The following GABRB1 variants were observed in gnomAD, a reference collection of about 807,000 sequenced individuals.
GABRB1 encodes gamma-aminobutyric acid type A receptor subunit beta1.
In GABRB1, 17 loss-of-function variants were observed where a neutral mutation model predicts 51.6. The observed-to-expected ratio is 0.33, with a 90% confidence interval of 0.23 to 0.49. The LOEUF (loss-of-function observed/expected upper bound fraction) is 0.49. GABRB1 is among the 20% of genes least tolerant of loss of function. The pLI is 0.99. For synonymous variants in GABRB1, 247 were observed against 218.9 expected, an observed-to-expected ratio of 1.13 and a Z score of -1.14; for missense variants, 410 against 600.6, an observed-to-expected ratio of 0.68 and a Z score of 3.32.
intron 5 of GABRB1, among the ~76,000 whole-genome samples, chr4:47,371,295 C>G (rs1205238130): frequency 6.6e-6 from 1 of 152,170 alleles, no homozygotes; most frequent in Non-Finnish European, 1.5e-5. Context: ...GCATAGTATT[C>G]CATGGTGTAT....
chr4:47,126,852 A>T (rs1291002483), intron 3 of GABRB1, among the ~76,000 whole-genome samples: 1 of 152,070 alleles, frequency 6.6e-6, no homozygotes, highest in Non-Finnish European at 1.5e-5. Flanking sequence ...TATTGCAGGA[A>T]GATTAGTAAT....
At chr4:47,303,830 C>A (rs1487504695) in intron 4 of GABRB1, among the ~76,000 whole-genome samples, 1 of 151,910 alleles carries the variant, frequency 6.6e-6, no homozygotes, top group African/African-American at 2.4e-5. Context: ...CTTTCCCCAC[C>A]CAGTCCCTGG....
At chr4:47,219,734 A>T (rs75661994) in intron 4 of GABRB1, among the ~76,000 whole-genome samples, 56 of 151,970 alleles carry the variant, frequency 3.7e-4, no homozygotes, top group African/African-American at 1.3e-3. Flanking sequence ...ACATATGTGG[A>T]ATTACCTTAT....
At chr4:47,421,362 A>G (rs1338734505) in intron 8 of GABRB1, among the ~76,000 whole-genome samples, 3 of 152,144 alleles carry the variant, frequency 2.0e-5, no homozygotes, top group African/African-American at 7.2e-5. Flanking sequence ...TCACTAGCCG[A>G]TTCTAAACTC....
chr4:47,190,388 G>T (rs1010763501), intron 4 of GABRB1, among the ~76,000 whole-genome samples: 1 of 152,044 alleles, frequency 6.6e-6, no homozygotes, highest in African/African-American at 2.4e-5. Flanking sequence ...AACAAGAGAA[G>T]CTTCACTATC....
At chr4:47,370,462 G>C (rs1015237278) in intron 5 of GABRB1, among the ~76,000 whole-genome samples, 1 of 150,524 alleles carries the variant, frequency 6.6e-6, no homozygotes, top group Non-Finnish European at 1.5e-5. Flanking sequence ...ATTCCAGCCT[G>C]GGCGACAGGA....
chr4:47,286,122 A>G (rs1162828611), intron 4 of GABRB1, among the ~76,000 whole-genome samples: 1 of 152,192 alleles, frequency 6.6e-6, no homozygotes, highest in Non-Finnish European at 1.5e-5. Context: ...GACTTACTGG[A>G]TATACCAGTA....
intron 3 of GABRB1, among the ~76,000 whole-genome samples, chr4:47,099,525 C>G (rs1012104459): frequency 6.6e-6 from 1 of 152,080 alleles, no homozygotes; most frequent in Non-Finnish European, 1.5e-5. Flanking sequence ...TTATAATTCT[C>G]TTTCTAAATA....
At chr4:47,092,577 T>G (rs181000811) in intron 3 of GABRB1, among the ~76,000 whole-genome samples, 4 of 152,100 alleles carry the variant, frequency 2.6e-5, no homozygotes, top group Admixed American at 2.6e-4. Flanking sequence ...TGAGGTCACT[T>G]TTGCAGATAT....
intron 5 of GABRB1, among the ~76,000 whole-genome samples, chr4:47,372,744 C>A (rs1391019781): frequency 2.0e-5 from 3 of 152,164 alleles, no homozygotes; most frequent in African/African-American, 7.2e-5. Flanking sequence ...AGCTAACAGT[C>A]TGGCCAAAGA....
chr4:47,165,007 A>G (rs1577966010), intron 4 of GABRB1, among the ~76,000 whole-genome samples: 1 of 152,106 alleles, frequency 6.6e-6, no homozygotes, highest in Non-Finnish European at 1.5e-5. Flanking sequence ...TGGGGAATCT[A>G]AATAAAGAAC....
intron 3 of GABRB1, among the ~76,000 whole-genome samples, chr4:47,117,771 G>A (rs1238632493): frequency 6.6e-6 from 1 of 152,086 alleles, no homozygotes; most frequent in Non-Finnish European, 1.5e-5. Flanking sequence ...AATACGCTGG[G>A]AAATTTGTTT....
chr4:47,047,173 A>T (rs1726131665), intron 3 of GABRB1, among the ~76,000 whole-genome samples: 2 of 152,226 alleles, frequency 1.3e-5, no homozygotes, highest in South Asian at 4.1e-4. Flanking sequence ...TAAACAAAAC[A>T]GTCTTCCAAA....
intron 4 of GABRB1, among the ~76,000 whole-genome samples, chr4:47,305,388 A>T (rs1724428952): frequency 6.6e-6 from 1 of 152,138 alleles, no homozygotes; most frequent in Non-Finnish European, 1.5e-5. Context: ...TTCAAGCAAC[A>T]GTGGCATAAT....
intron 4 of GABRB1, among the ~76,000 whole-genome samples, chr4:47,247,328 G>A (rs1721803239): frequency 6.6e-6 from 1 of 152,048 alleles, no homozygotes; most frequent in South Asian, 2.1e-4. Flanking sequence ...TCAGTTGGCT[G>A]TAAGTATTTG....
chr4:47,406,947 A>G, intron 8 of GABRB1, 21 bp downstream of exon 8: 1 of 1,605,666 alleles, frequency 6.2e-7, no homozygotes, highest in Non-Finnish European at 8.5e-7. Context: ...AAATATTCCT[A>G]ACAATATTCT....
chr4:47,164,372 A>G (rs1446610607), intron 4 of GABRB1, among the ~76,000 whole-genome samples: 1 of 152,132 alleles, frequency 6.6e-6, no homozygotes, highest in African/African-American at 2.4e-5. Flanking sequence ...CTTTTAAAGA[A>G]TATCTGTTGT....
intron 3 of GABRB1, among the ~76,000 whole-genome samples, chr4:47,071,356 T>A (rs910635910): frequency 2.0e-5 from 3 of 152,196 alleles, no homozygotes; most frequent in African/African-American, 7.2e-5. Flanking sequence ...TGCTCCCACA[T>A]GTCAATGACT....
chr4:47,055,858 A>G (rs927003630), intron 3 of GABRB1, among the ~76,000 whole-genome samples: 19 of 152,148 alleles, frequency 1.2e-4, no homozygotes, highest in African/African-American at 4.3e-4. Context: ...CATGAAACCT[A>G]TTTTTTAATC....
Sources: gnomAD v4.1 joint callset for allele counts (sites outside exome capture counted in the v4.1 genomes callset) on GRCh38, gnomAD v4.1.1 for gene constraint, MANE v1.5 for transcripts, NCBI Gene and HGNC (gene_info 2026-07-23, HGNC 2026-07-21) for gene names.